The following ADAMTSL3 variants were observed in gnomAD, a reference collection of about 807,000 sequenced individuals.
The protein encoded by ADAMTSL3 is ADAMTS like 3.
In ADAMTSL3, 128 loss-of-function variants were observed where a neutral mutation model predicts 201.7. That is an observed-to-expected ratio of 0.63 (90% CI 0.55 to 0.73). The LOEUF (loss-of-function observed/expected upper bound fraction) is 0.73, where lower values mean the gene tolerates loss of function less well. Ranked by LOEUF, ADAMTSL3 falls within the 30% of genes least tolerant of loss-of-function variation. The pLI is 0.00. For missense variants in ADAMTSL3, 1,990 were observed against 2,119.6 expected (o/e 0.94, Z 1.20); for synonymous variants, 738 against 748.4 (o/e 0.99, Z 0.23).
At chr15:83,692,413 C>T (rs184701586) in intron 2 of ADAMTSL3, among the ~76,000 whole-genome samples, 12 of 152,022 alleles carry the variant, frequency 7.9e-5, no homozygotes, top group East Asian at 1.9e-4. Flanking sequence ...AGGCTGGGCA[C>T]GGTGGCTCAC....
chr15:83,727,923 T>C (rs1192304848), intron 3 of ADAMTSL3, among the ~76,000 whole-genome samples: 1 of 152,028 alleles, frequency 6.6e-6, no homozygotes, highest in Non-Finnish European at 1.5e-5. Flanking sequence ...TCTTTGCTTA[T>C]TTTCTTGTGG....
intron 4 of ADAMTSL3, among the ~76,000 whole-genome samples, chr15:83,792,195 C>T (rs764048879): frequency 3.9e-5 from 6 of 151,984 alleles, no homozygotes; most frequent in African/African-American, 1.4e-4. Context: ...AAAAAATGGG[C>T]AAAGGACCCA....
chr15:83,979,531 G>A (rs990788951), intron 20 of ADAMTSL3, among the ~76,000 whole-genome samples: 1 of 152,198 alleles, frequency 6.6e-6, no homozygotes, highest in African/African-American at 2.4e-5. Context: ...ACGTTAATAT[G>A]TGATTGTGTC....
intron 20 of ADAMTSL3, among the ~76,000 whole-genome samples, chr15:83,977,672 C>T (rs17158480): frequency 0.015 from 2,327 of 152,212 alleles, 55 homozygotes; most frequent in African/African-American, 0.054. Flanking sequence ...TGCCCTAAGA[C>T]GGTCAAGTAA....
intron 6 of ADAMTSL3, among the ~76,000 whole-genome samples, chr15:83,822,599 C>T (rs1471065823): frequency 8.6e-5 from 13 of 150,336 alleles, no homozygotes; most frequent in African/African-American, 3.2e-4. Context: ...AGACGATGGG[C>T]GGCCGGGCAG....
chr15:83,860,704 A>G (rs1409630334), intron 8 of ADAMTSL3, among the ~76,000 whole-genome samples: 1 of 152,232 alleles, frequency 6.6e-6, no homozygotes, highest in Non-Finnish European at 1.5e-5. Flanking sequence ...AGATGGCCGA[A>G]TAGGAATAGC....
intron 7 of ADAMTSL3, among the ~76,000 whole-genome samples, chr15:83,843,849 C>G (rs1429712796): frequency 5.9e-5 from 9 of 152,166 alleles, no homozygotes; most frequent in Admixed American, 5.9e-4. Context: ...TGAAAAATAT[C>G]AGAAATTTAT....
At chr15:83,966,350 C>T (rs2067085344) in intron 19 of ADAMTSL3, among the ~76,000 whole-genome samples, 1 of 151,880 alleles carries the variant, frequency 6.6e-6, no homozygotes, top group Admixed American at 6.6e-5. Flanking sequence ...GATAAAATCA[C>T]CATTGATCCC....
intron 2 of ADAMTSL3, among the ~76,000 whole-genome samples, chr15:83,687,581 G>T (rs2061555370): frequency 6.6e-6 from 1 of 151,996 alleles, no homozygotes; most frequent in African/African-American, 2.4e-5. Flanking sequence ...GTCCTCTTTT[G>T]CTTGCAAGGA....
chr15:83,943,965 G>GT (rs57036252), intron 19 of ADAMTSL3, among the ~76,000 whole-genome samples: 54,369 of 151,048 alleles, frequency 0.36, 10,797 homozygotes, highest in African/African-American at 0.51. Flanking sequence ...TATATCCTAT[G>GT]TTTTTTTTTA....
intron 17 of ADAMTSL3, among the ~76,000 whole-genome samples, chr15:83,939,903 T>C (rs2066525267): frequency 6.6e-6 from 1 of 152,206 alleles, no homozygotes; most frequent in African/African-American, 2.4e-5. Flanking sequence ...ATTACAGGCA[T>C]GAGCCACCGC....
intron 21 of ADAMTSL3, 86 bp from the exon 22 acceptor site, chr15:83,988,605 T>G (rs2067525077): frequency 1.6e-6 from 2 of 1,226,010 alleles, no homozygotes; most frequent in Non-Finnish European, 2.2e-6. Context: ...CCTGTAATGG[T>G]GCAGTCTTCT....
chr15:83,709,805 G>C (rs2061908459), intron 3 of ADAMTSL3, among the ~76,000 whole-genome samples: 1 of 152,076 alleles, frequency 6.6e-6, no homozygotes, highest in African/African-American at 2.4e-5. Flanking sequence ...AGGCATGGGG[G>C]AAGGTGGAAG....
rs139334080 is a variant in ADAMTSL3 at position 83,999,090 on chromosome 15, T to A, written c.3973+7876T>A. On this transcript the variant is annotated intron_variant, in intron 23 of 29. Transcript: ENST00000286744. ...CAAAGTATCATGAGGCAAAAAAAAA[T>A]TCCCATAATCCTGTCAAAGACACAA... Among the ~76,000 whole-genome samples the A allele has an allele frequency of 2.5e-3, 384 of 152,264 alleles. 1 individual carries two copies. The highest frequency in any genetic ancestry group is 8.6e-3 in the African/African-American group (358 of 41,556).
chr15:83,806,825 C>T (rs2063609377), intron 5 of ADAMTSL3, among the ~76,000 whole-genome samples: 1 of 152,088 alleles, frequency 6.6e-6, no homozygotes, highest in African/African-American at 2.4e-5. Context: ...TGCACTCCAG[C>T]CTGGGTGACA....
chr15:83,983,181 C>A lies in ADAMTSL3; in HGVS notation c.3553C>A (p.Pro1185Thr), dbSNP rs1302243662. ...ACCTGTTCTCATGAGGCAAAGCCAA[C>A]CTCCCTCAATTTCATTTAATAAAAC... is the stretch of plus-strand genomic sequence containing the variant. Reference protein sequence around the residue: ...KGPVLMRQSQPPSISFNKTIN... With the variant: ...KGPVLMRQSQTPSISFNKTIN... Residue 1185 changes from proline (P) to threonine (T), a missense_variant, in exon 21 of 30, where the codon CCT becomes ACT. Pro to Thr is a conservative substitution (Grantham distance 38). Coordinates refer to ENST00000286744, the MANE Select transcript of ADAMTSL3 (RefSeq NM_207517.3). 9 of 1,613,736 alleles carry A rather than the reference C, an allele frequency of 5.6e-6. No individual in the cohort carries two copies. Among genetic ancestry groups the A allele is most frequent in the African/African-American group, 2.7e-5 (2 of 74,904 alleles).
intron 4 of ADAMTSL3, among the ~76,000 whole-genome samples, chr15:83,793,080 G>C (rs891400775): frequency 2.0e-5 from 3 of 152,166 alleles, no homozygotes; most frequent in Non-Finnish European, 2.9e-5. Context: ...CGTAAGTCAG[G>C]CACAGGAAGG....
intron 10 of ADAMTSL3, 97 bp from the exon 11 acceptor site, chr15:83,890,012 T>C (rs2065472574): frequency 7.2e-7 from 1 of 1,394,864 alleles, no homozygotes; most frequent in African/African-American, 1.4e-5. Flanking sequence ...GTTAAGTTTC[T>C]TAAAGAGGAA....
At chr15:83,933,322 C>T (rs1047239251) in intron 17 of ADAMTSL3, among the ~76,000 whole-genome samples, 2 of 151,968 alleles carry the variant, frequency 1.3e-5, no homozygotes, top group African/African-American at 4.8e-5. Flanking sequence ...GGCATTTTTC[C>T]CCTGCTCTAC....
Sources: gnomAD v4.1 joint callset for allele counts (sites outside exome capture counted in the v4.1 genomes callset) on GRCh38, gnomAD v4.1.1 for gene constraint, MANE v1.5 for transcripts, NCBI Gene and HGNC (gene_info 2026-07-23, HGNC 2026-07-21) for gene names.